Variants in MED13L observed in about 807,000 individuals in gnomAD.
The protein encoded by MED13L is mediator complex subunit 13L.
Under a neutral mutation model 220.9 loss-of-function variants are expected in MED13L, and 7 were observed. The ratio of observed to expected loss-of-function variants is 0.03; its 90% CI spans 0.02 to 0.06. MED13L has a LOEUF of 0.06. Ranked by LOEUF, MED13L falls within the 10% of genes least tolerant of loss-of-function variation. MED13L has a pLI of 1.00. For missense variants in MED13L, 1,965 were observed against 2,760.5 expected (o/e 0.71, Z 6.46); for synonymous variants, 1,011 against 1,015.2 (o/e 1.00, Z 0.08).
intron 2 of MED13L, among the ~76,000 whole-genome samples, chr12:116,132,754 T>C (rs1431214860): frequency 1.3e-5 from 2 of 152,086 alleles, no homozygotes; most frequent in Non-Finnish European, 2.9e-5. Flanking sequence ...ACCCTGTCTC[T>C]ACTAAAAATA....
At chr12:116,197,912 C>A (rs1881744251) in intron 2 of MED13L, among the ~76,000 whole-genome samples, 1 of 152,102 alleles carries the variant, frequency 6.6e-6, no homozygotes, top group East Asian at 1.9e-4. Flanking sequence ...CAATCCATTT[C>A]TTTTGTAGAA....
At chr12:116,005,144 T>C (rs1215163723) in intron 13 of MED13L, among the ~76,000 whole-genome samples, 2 of 152,062 alleles carry the variant, frequency 1.3e-5, no homozygotes, top group Admixed American at 1.3e-4. Flanking sequence ...GGTAGATAAG[T>C]GAATGAATGA....
Position 115,983,143 on chromosome 12 carries a change from A to C in MED13L, c.4929T>G (p.Ser1643=). ...TCTCTTGTCCATCCTGTGAGGGCTG[A>C]GAAGAGCTCTGCCCAGGGTCAGTGT... ...GGDTDPGQSS[S]QPSQDGQESV... is the part of the protein sequence containing the mutation. Residue 1643 remains serine, a synonymous_variant, in exon 21 of 31, where the codon TCT becomes TCG. Coordinates refer to ENST00000281928, the MANE Select transcript of MED13L (RefSeq NM_015335.5). 2 of 1,614,084 alleles carry C rather than the reference A, an allele frequency of 1.2e-6. No individual in the cohort carries two copies. Among genetic ancestry groups the C allele is most frequent in the South Asian group, 2.2e-5 (2 of 91,076 alleles).
chr12:116,019,521 A>G, intron 6 of MED13L, 109 bp from the exon 7 acceptor site: 10 of 1,275,290 alleles, frequency 7.8e-6, no homozygotes, highest in Non-Finnish European at 2.3e-6. Flanking sequence ...AAGTACTGCC[A>G]AAAGTGATAG....
intron 30 of MED13L, chr12:115,962,522 T>A (rs1162595962): frequency 6.6e-6 from 1 of 152,242 alleles, no homozygotes; most frequent in Non-Finnish European, 1.5e-5. Flanking sequence ...GCCAAATTTA[T>A]GTTGATCAGG....
chr12:115,963,538 G>A lies in MED13L; in HGVS notation c.6388-19C>T, dbSNP rs779022208. Reference sequence around the variant, plus strand: ...GCGAAGCCTGGTGAAAAAACAAAGAGAGTTACCTCTCTGGTCTAGACAATC... The same window carrying A: ...GCGAAGCCTGGTGAAAAAACAAAGAAAGTTACCTCTCTGGTCTAGACAATC... On this transcript the variant is annotated intron_variant, in intron 29 of 30. Transcript: ENST00000281928. 1 of 1,564,350 alleles carries A rather than the reference G, an allele frequency of 6.4e-7. No individual in the cohort carries two copies. Among genetic ancestry groups the A allele is most frequent in the South Asian group, 1.1e-5 (1 of 89,314 alleles).
chr12:116,028,339 T>C (rs530862934), intron 4 of MED13L, among the ~76,000 whole-genome samples: 72 of 152,286 alleles, frequency 4.7e-4, no homozygotes, highest in African/African-American at 1.6e-3. Context: ...TCTTGTCACT[T>C]ATTACTCTTT....
intron 2 of MED13L, among the ~76,000 whole-genome samples, chr12:116,214,264 T>C (rs183891189): frequency 6.6e-6 from 1 of 152,290 alleles, no homozygotes; most frequent in Non-Finnish European, 1.5e-5. Context: ...TAAAATATAA[T>C]ATTCTTCTAC....
At position 116,111,417 on chromosome 12, in the gene MED13L, C is replaced by G. The variant is rs760495432; in HGVS notation, c.395+11G>C. On this transcript the variant is annotated intron_variant, in intron 3 of 30. Transcript: ENST00000281928. Reference sequence around the variant, plus strand: ...TGTCTGCAAACCACTGTCTGCTGTTCCTTCTCTTACCTTTCTAACAGATTG... The same window carrying G: ...TGTCTGCAAACCACTGTCTGCTGTTGCTTCTCTTACCTTTCTAACAGATTG... 6.2e-7 allele frequency: 1 copy of G among 1,609,350 alleles called. No homozygotes were observed. The highest frequency in any genetic ancestry group is 8.5e-7 in the Non-Finnish European group (1 of 1,176,572).
intron 1 of MED13L, among the ~76,000 whole-genome samples, chr12:116,241,582 A>G (rs562189187): frequency 2.6e-4 from 39 of 152,290 alleles, no homozygotes; most frequent in African/African-American, 8.9e-4. Flanking sequence ...TAGTACATCC[A>G]CTAACTTCCT....
intron 4 of MED13L, among the ~76,000 whole-genome samples, chr12:116,048,421 G>A (rs1881964667): frequency 6.6e-6 from 1 of 152,150 alleles, no homozygotes; most frequent in Non-Finnish European, 1.5e-5. Context: ...GGTAATGGCA[G>A]GAGTGGTAAG....
chr12:116,032,349 T>C (rs1880904612), intron 4 of MED13L, among the ~76,000 whole-genome samples: 1 of 152,170 alleles, frequency 6.6e-6, no homozygotes, highest in Non-Finnish European at 1.5e-5. Flanking sequence ...AGTATCACTA[T>C]TTATAATTAA....
Position 116,007,457 on chromosome 12 carries a change from T to C in MED13L, c.2192A>G (p.Lys731Arg). The C allele has an allele frequency of 8.7e-6, 14 of 1,613,968 alleles. No homozygotes were observed. Among genetic ancestry groups the C allele is most frequent in the African/African-American group, 1.3e-5 (1 of 75,006 alleles). The change falls in exon 11 of 31, where the codon AAG becomes AGG. Residue 731 changes from lysine to arginine, a missense_variant. Transcript: ENST00000281928. ...TTTCTCCGTCCCTTGTTTGCATTTC[T>C]TGTTGGCTGTAAAGATGTATTTTAT... ...GDIKYIFTAN[K>R]KCKQGTEKDS...
rs1379524225 is a variant in MED13L, at chr12:116,250,581, T to C, written c.73-12876A>G. On this transcript the variant is annotated intron_variant, in intron 1 of 30. Coordinates refer to ENST00000281928, the MANE Select transcript of MED13L (RefSeq NM_015335.5). Reference sequence around the variant, plus strand: ...GAGTTCGAGACCAGCCTGACCAATATGGTGAAACCCCGTCTCTACTAAAAA... The same window carrying C: ...GAGTTCGAGACCAGCCTGACCAATACGGTGAAACCCCGTCTCTACTAAAAA... Among the ~76,000 whole-genome samples, 5 of 144,666 alleles carry C rather than the reference T, an allele frequency of 3.5e-5. No homozygotes were observed. In the East Asian group the frequency reaches 1.0e-3, roughly 29 times the overall value. The allele number at this position is 144,666 out of a possible 152,430, so 94.9% of individuals were successfully genotyped here.
chr12:116,176,479 C>G (rs1487486852), intron 2 of MED13L, among the ~76,000 whole-genome samples: 4 of 151,882 alleles, frequency 2.6e-5, no homozygotes, highest in African/African-American at 9.7e-5. Context: ...GGGTGAACAA[C>G]AAGAGGATAT....
intron 2 of MED13L, among the ~76,000 whole-genome samples, chr12:116,176,335 C>T (rs1318733955): frequency 6.6e-6 from 1 of 152,112 alleles, no homozygotes; most frequent in Non-Finnish European, 1.5e-5. Flanking sequence ...AACTAAGGCT[C>T]ACATGTAAAG....
Position 115,996,713 on chromosome 12 carries a change from T to C in MED13L, c.2791-32A>G, listed in dbSNP as rs747753402. ...CAACAAAGTGGGGTCAGTGTTAATA[T>C]TGGTAAACTCTGTAGAACACACCAC... is the stretch of plus-strand genomic sequence containing the variant. On this transcript the variant is annotated intron_variant, in intron 15 of 30. Coordinates refer to ENST00000281928, the MANE Select transcript of MED13L (RefSeq NM_015335.5). 2.1e-5 allele frequency: 33 copies of C among 1,569,534 alleles called. No homozygotes were observed. The Admixed American group carries it at 2.9e-4, about 14-fold the overall frequency.
chr12:116,148,076 A>AAAAAAAAG (rs1264462636), intron 2 of MED13L, among the ~76,000 whole-genome samples: 6 of 50,582 alleles, frequency 1.2e-4, no homozygotes, highest in Admixed American at 2.4e-4. Flanking sequence ...AAAAAAAAAG[A>AAAAAAAAG]GGGGGGCGGG....
chr12:116,240,569 G>A (rs892912663), intron 1 of MED13L, among the ~76,000 whole-genome samples: 1 of 149,332 alleles, frequency 6.7e-6, no homozygotes, highest in African/African-American at 2.5e-5. Flanking sequence ...GTCTCGCCCT[G>A]TCACCCAGGC....
Sources: allele counts gnomAD v4.1 joint callset (sites outside exome capture counted in the v4.1 genomes callset), GRCh38; gene constraint gnomAD v4.1.1; transcripts MANE v1.5; gene names NCBI Gene and HGNC (gene_info 2026-07-23, HGNC 2026-07-21).